ARHGEF2: variants seen among roughly 807,000 people sequenced by gnomAD.
ARHGEF2 encodes the protein rho guanine nucleotide exchange factor 2.
ARHGEF2 carries 22 observed loss-of-function variants against 121.0 expected under a neutral mutation model. The observed-to-expected ratio is 0.18, with a 90% CI of 0.13 to 0.26. The LOEUF is 0.26. Ranked by LOEUF, ARHGEF2 falls within the 10% of genes least tolerant of loss-of-function variation. ARHGEF2 has a pLI of 1.00. For missense variants in ARHGEF2, 907 were observed against 1,336.0 expected (o/e 0.68, Z 5.01); for synonymous variants, 487 against 530.0 (o/e 0.92, Z 1.11).
intron 1 of ARHGEF2, chr1:155,969,871 C>T: frequency 1.0e-6 from 1 of 985,842 alleles, no homozygotes; most frequent in Non-Finnish European, 1.2e-6. Flanking sequence ...CTGCCACCCC[C>T]AACCCAGGGG....
In ARHGEF2 at chr1:155,952,187, A is replaced by C; in HGVS notation, c.2033T>G (p.Leu678Trp). 1.2e-6 allele frequency: 2 copies of C among 1,614,124 alleles called. No individual in the cohort carries two copies. Among genetic ancestry groups the C allele is most frequent in the Middle Eastern group, 1.7e-4 (1 of 6,060 alleles). ...GGGCAGGGCTGGCTCTCGGGGTGTC[A>C]AGAGCAGTTCCACTCCTGGCCCCAC... ...LLVGPGVELLLTPREPALPLE... is the reference protein window; with the variant it reads ...LLVGPGVELLWTPREPALPLE... The change falls in exon 16 of 22, where the codon TTG becomes TGG. Residue 678 changes from leucine (L) to tryptophan (W), a missense_variant. Transcript: ENST00000361247.
chr1:155,961,732 T>C lies in ARHGEF2; in HGVS notation c.1397A>G (p.Glu466Gly). 1 of 1,614,208 alleles carries C rather than the reference T, an allele frequency of 6.2e-7. No individual in the cohort carries two copies. The highest frequency in any genetic ancestry group is 8.5e-7 in the Non-Finnish European group (1 of 1,180,038). The change falls in exon 11 of 22, where the codon GAG (glutamate) becomes GGG (glycine). Residue 466 changes from glutamate (E) to glycine (G), a missense_variant. This residue lies in a region of ARHGEF2 where 475 missense variants were observed against 776.5 expected (regional missense o/e 0.61). Coordinates refer to ENST00000361247, the MANE Select transcript of ARHGEF2 (RefSeq NM_001162383.2). This position sits in a 1 kb window ranked among gnomAD's most constrained non-coding sequence, Gnocchi z 4.7. ...PVPGKGPFGR[E>G]ELLRRKLIHD... ...GATGAGTTTGCGCCTCAGAAGTTCC[T>C]CTCGGCCAAAGGGGCCCTTGCCAGG...
intron 3 of ARHGEF2, 141 bp from the exon 4 acceptor site, chr1:155,966,620 G>T: frequency 9.3e-7 from 1 of 1,078,830 alleles, no homozygotes; most frequent in Non-Finnish European, 1.4e-6. Context: ...GGGTGATTGA[G>T]CCCAGTGCTG....
intron 15 of ARHGEF2, 24 bp downstream of exon 15, chr1:155,952,604 A>C: frequency 1.3e-6 from 2 of 1,596,266 alleles, no homozygotes; most frequent in Non-Finnish European, 1.7e-6. Context: ...TTGAGCCTGG[A>C]CTCTTCCCTG....
At chr1:155,956,714 T>C (rs1406600430) in intron 13 of ARHGEF2, among the ~76,000 whole-genome samples, 1 of 151,406 alleles carries the variant, frequency 6.6e-6, no homozygotes, top group Non-Finnish European at 1.5e-5. Context: ...TCCCAGGACT[T>C]TGGGAGGCTG....
intron 21 of ARHGEF2, among the ~76,000 whole-genome samples, chr1:155,948,577 G>A (rs758628026): frequency 2.6e-5 from 4 of 152,140 alleles, no homozygotes; most frequent in Non-Finnish European, 5.9e-5. Context: ...GTTGCAGTGA[G>A]CTGAGATTGT....
chr1:155,955,755 G>A (rs1008453794), intron 13 of ARHGEF2, among the ~76,000 whole-genome samples: 2 of 151,302 alleles, frequency 1.3e-5, no homozygotes, highest in East Asian at 1.9e-4. Flanking sequence ...TTGCACTTTC[G>A]CCCAGGCTGG....
intron 1 of ARHGEF2, among the ~76,000 whole-genome samples, chr1:155,972,527 T>A (rs1222955734): frequency 6.6e-6 from 1 of 152,000 alleles, no homozygotes; most frequent in African/African-American, 2.4e-5. Context: ...CTTAAGATAA[T>A]CACATTGGTC....
intron 15 of ARHGEF2, 147 bp downstream of exon 15, chr1:155,952,481 G>A: frequency 9.7e-7 from 1 of 1,034,404 alleles, no homozygotes; most frequent in South Asian, 1.6e-5. Context: ...CCTTTCCCAG[G>A]AACTGGCCCA....
intron 11 of ARHGEF2, among the ~76,000 whole-genome samples, chr1:155,959,630 T>A (rs1262236999): frequency 3.9e-5 from 6 of 152,148 alleles, no homozygotes; most frequent in African/African-American, 1.4e-4. Flanking sequence ...CTGTGACCTC[T>A]GCCTCCTGAG....
chr1:155,967,151 T>C (rs929527741), intron 2 of ARHGEF2, among the ~76,000 whole-genome samples: 1 of 152,084 alleles, frequency 6.6e-6, no homozygotes, highest in Non-Finnish European at 1.5e-5. Flanking sequence ...CAAGGTGGCC[T>C]GAAGGGCGGA....
intron 1 of ARHGEF2, 63 bp from the exon 2 acceptor site, chr1:155,969,363 G>A: frequency 6.2e-7 from 1 of 1,601,922 alleles, no homozygotes; most frequent in Non-Finnish European, 8.5e-7. Flanking sequence ...CTGGAGTCCA[G>A]AGAGACAGGC....
Position 155,961,603 on chromosome 1 carries a change from C to T in ARHGEF2, c.1468+58G>A. ...AGAGGTTGATTCTAAGACCTGCAGGCATCTCCCACTCTCCATCTGACTTTG... is the reference window on the plus strand; with the variant it reads ...AGAGGTTGATTCTAAGACCTGCAGGTATCTCCCACTCTCCATCTGACTTTG... On this transcript the variant is annotated intron_variant, in intron 11 of 21. Coordinates refer to ENST00000361247, the MANE Select transcript of ARHGEF2 (RefSeq NM_001162383.2). The surrounding 1 kb of genome is among the most constrained non-coding windows in gnomAD (Gnocchi z 4.7). The T allele has an allele frequency of 6.4e-7, 1 of 1,572,350 alleles. No individual in the cohort carries two copies. The highest frequency in any genetic ancestry group is 2.2e-5 in the East Asian group (1 of 44,452).
At chr1:155,964,878 G>C in intron 7 of ARHGEF2, 110 bp downstream of exon 7, 1 of 1,237,668 alleles carries the variant, frequency 8.1e-7, no homozygotes. Flanking sequence ...GGTTGAGAGA[G>C]TGAGACTCCA....
At chr1:155,958,015 T>TG in intron 12 of ARHGEF2, 133 bp from the exon 13 acceptor site, 1 of 918,002 alleles carries the variant, frequency 1.1e-6, no homozygotes, top group South Asian at 1.8e-5. Context: ...AGCCAGGCAC[T>TG]GGTGCCAGCC....
Position 155,978,171 on chromosome 1 carries a change from C to T in ARHGEF2, c.63+194G>A, listed in dbSNP as rs1681663462. On this transcript the variant is annotated intron_variant, in intron 1 of 21. Coordinates refer to ENST00000361247, the MANE Select transcript of ARHGEF2 (RefSeq NM_001162383.2). The surrounding 1 kb of genome is among the most constrained non-coding windows in gnomAD (Gnocchi z 4.1). ...CCCTCCCGGGATCCCAGCACCGTCG[C>T]GTCTGCCGCTCCCCCCACCCCTACC... is the stretch of plus-strand genomic sequence containing the variant. 3 of 1,302,970 alleles carry T rather than the reference C, an allele frequency of 2.3e-6. No individual in the cohort carries two copies. Among genetic ancestry groups the T allele is most frequent in the South Asian group, 1.9e-5 (1 of 52,668 alleles). 80.7% of individuals were successfully genotyped at this position (1,302,970 alleles called of 1,614,324 possible).
intron 14 of ARHGEF2, among the ~76,000 whole-genome samples, chr1:155,953,746 C>CAAA (rs926082849): frequency 6.6e-5 from 3 of 45,238 alleles, no homozygotes; most frequent in South Asian, 7.6e-4. Flanking sequence ...GACCCTGTCT[C>CAAA]AAAAAAAAAA....
At chr1:155,968,375 T>C (rs886763304) in intron 2 of ARHGEF2, 2 of 152,126 alleles carry the variant, frequency 1.3e-5, no homozygotes, top group African/African-American at 4.8e-5. Flanking sequence ...CGCTATTCAG[T>C]AGCAGGTCAC....
At chr1:155,977,334 G>A (rs529690757) in intron 1 of ARHGEF2, among the ~76,000 whole-genome samples, 1 of 152,138 alleles carries the variant, frequency 6.6e-6, no homozygotes, top group South Asian at 2.1e-4. Flanking sequence ...TGGGGTCTGG[G>A]TGTGGAAAGG....
Sources: gnomAD v4.1 joint callset for allele counts (sites outside exome capture counted in the v4.1 genomes callset) on GRCh38, gnomAD v4.1.1 for gene constraint, gnomAD v4.1.1 regional missense constraint, Gnocchi (gnomAD v3.1) non-coding constraint, MANE v1.5 for transcripts, NCBI Gene and HGNC (gene_info 2026-07-23, HGNC 2026-07-21) for gene names.